Variants in GLRA1 observed in about 807,000 individuals in gnomAD.
GLRA1 encodes the protein glycine receptor subunit alpha-1.
In GLRA1, 37 loss-of-function variants were observed where a neutral mutation model predicts 48.3. The ratio of observed to expected loss-of-function variants is 0.77; its 90% CI spans 0.59 to 1.01. The LOEUF (loss-of-function observed/expected upper bound fraction) is 1.01, where lower values mean the gene tolerates loss of function less well. Among genes scored for constraint, GLRA1 ranks in the 50% least tolerant of loss-of-function variants. GLRA1 has a pLI of 0.00. For synonymous variants in GLRA1, 196 were observed against 210.7 expected (o/e 0.93, Z 0.60); for missense variants, 427 against 571.0 (o/e 0.75, Z 2.57).
intron 8 of GLRA1, among the ~76,000 whole-genome samples, chr5:151,824,251 CT>C (rs959030810): frequency 4.0e-5 from 6 of 151,812 alleles, no homozygotes; most frequent in African/African-American, 1.5e-4. Flanking sequence ...CCTGCCTCGG[CT>C]TCACAAAGTT....
chr5:151,899,313 A>G (rs1170507405), intron 1 of GLRA1, among the ~76,000 whole-genome samples: 1 of 152,166 alleles, frequency 6.6e-6, no homozygotes, highest in East Asian at 1.9e-4. Flanking sequence ...TTAATCAGAA[A>G]TTGTCTGAGT....
At position 151,884,101 on chromosome 5, in the gene GLRA1, C is replaced by A. The variant is rs151087821; in HGVS notation, c.252+2620G>T. ...ATCATCATCACCATCATAAAAAATG[C>A]TTGGTGAACATTTACAAAGCATGGA... is the stretch of plus-strand genomic sequence containing the variant. On this transcript the variant is annotated intron_variant, in intron 3 of 8. Coordinates refer to ENST00000274576, the MANE Select transcript of GLRA1 (RefSeq NM_000171.4). 4.8e-3 allele frequency among the ~76,000 whole-genome samples: 737 copies of A among 152,234 alleles called. 8 individuals are homozygous for A. The highest frequency in any genetic ancestry group is 0.016 in the African/African-American group (656 of 41,540).
chr5:151,854,155 T>C (rs1752977847), intron 6 of GLRA1, among the ~76,000 whole-genome samples: 2 of 152,254 alleles, frequency 1.3e-5, no homozygotes, highest in African/African-American at 4.8e-5. Flanking sequence ...ATGGCTGCTA[T>C]GGGAATACCA....
chr5:151,914,173 G>T (rs1241295173), intron 1 of GLRA1, among the ~76,000 whole-genome samples: 2 of 152,142 alleles, frequency 1.3e-5, no homozygotes, highest in Non-Finnish European at 2.9e-5. Flanking sequence ...ATAGCAATAG[G>T]GCTTGTAGGG....
intron 3 of GLRA1, among the ~76,000 whole-genome samples, chr5:151,867,605 A>C (rs2113372910): frequency 6.6e-6 from 1 of 152,300 alleles, no homozygotes; most frequent in Non-Finnish European, 1.5e-5. Flanking sequence ...CATGCCATAC[A>C]TGTCAGCTTA....
intron 3 of GLRA1, among the ~76,000 whole-genome samples, chr5:151,864,863 A>G (rs1368959039): frequency 2.0e-5 from 3 of 152,156 alleles, no homozygotes; most frequent in Admixed American, 6.5e-5. Context: ...CCTAGTACCT[A>G]TAAGAAGGAA....
Position 151,829,076 on chromosome 5 carries a change from G to T in GLRA1, c.913-9C>A, listed in dbSNP as rs756370176. The T allele has an allele frequency of 6.2e-7, 1 of 1,613,304 alleles. No individual in the cohort carries two copies. The highest frequency in any genetic ancestry group is 1.3e-5 in the African/African-American group (1 of 74,924). On this transcript the variant is annotated splice_polypyrimidine_tract_variant and intron_variant, in intron 7 of 8. Transcript: ENST00000274576. ...GCTTTCACATAGGACACCTAGAGTG[G>T]GGGTGGAGGAGAAACAGGGAGGTGA...
chr5:151,887,005 A>G (rs1367199225), intron 2 of GLRA1, among the ~76,000 whole-genome samples: 2 of 152,224 alleles, frequency 1.3e-5, no homozygotes, highest in African/African-American at 2.4e-5. Flanking sequence ...CCAGGTACAG[A>G]ATACCAGAGG....
intron 1 of GLRA1, among the ~76,000 whole-genome samples, chr5:151,893,329 T>G (rs541802574): frequency 6.7e-6 from 1 of 149,818 alleles, no homozygotes; most frequent in Non-Finnish European, 1.5e-5. Flanking sequence ...TCTTTCTTTC[T>G]TTCTTTCTTT....
chr5:151,886,589 G>T, intron 3 of GLRA1, 132 bp downstream of exon 3: 1 of 730,672 alleles, frequency 1.4e-6, no homozygotes. Flanking sequence ...GAGCCTCATG[G>T]TATACCACTG....
At chr5:151,875,709 T>A (rs17529681) in intron 3 of GLRA1, 18,108 of 152,344 alleles carry the variant, frequency 0.12, 1,439 homozygotes, top group Non-Finnish European at 0.16. Flanking sequence ...GCACAAATCC[T>A]ACTGAGCTTC....
At chr5:151,916,909 A>G (rs1754755166) in intron 1 of GLRA1, among the ~76,000 whole-genome samples, 1 of 152,148 alleles carries the variant, frequency 6.6e-6, no homozygotes, top group Non-Finnish European at 1.5e-5. Flanking sequence ...CTCCCTGAAG[A>G]ACCCTCTGGA....
chr5:151,883,665 A>G (rs1012775828), intron 3 of GLRA1, among the ~76,000 whole-genome samples: 5 of 152,364 alleles, frequency 3.3e-5, no homozygotes, highest in South Asian at 2.1e-4. Flanking sequence ...CATCATTGCA[A>G]CTGCCCTTTG....
intron 3 of GLRA1, among the ~76,000 whole-genome samples, chr5:151,863,195 G>A (rs1316813419): frequency 6.6e-6 from 1 of 152,188 alleles, no homozygotes; most frequent in Non-Finnish European, 1.5e-5. Context: ...TTGAGCCCAG[G>A]AGTTTGAGAC....
intron 7 of GLRA1, chr5:151,850,706 A>G: frequency 8.7e-7 from 1 of 1,148,338 alleles, no homozygotes; most frequent in Non-Finnish European, 1.3e-6. Flanking sequence ...CCCCTCTGCC[A>G]CTGCGAACCC....
At chr5:151,893,524 G>A (rs986701870) in intron 1 of GLRA1, among the ~76,000 whole-genome samples, 6 of 151,760 alleles carry the variant, frequency 4.0e-5, no homozygotes, top group African/African-American at 1.2e-4. Context: ...CCCACTACCC[G>A]ACAGGCCCTG....
intron 1 of GLRA1, among the ~76,000 whole-genome samples, chr5:151,906,733 C>T (rs1349958790): frequency 1.3e-5 from 2 of 152,088 alleles, no homozygotes; most frequent in Non-Finnish European, 2.9e-5. Flanking sequence ...ATCTATTGTA[C>T]AGATGAAGTA....
rs559850394 is a variant in GLRA1 at position 151,850,697 on chromosome 5, C to A, written c.912+693G>T. On this transcript the variant is annotated intron_variant, in intron 7 of 8. Transcript: ENST00000274576. ...GAAGGGTTACTTTGAAGACTGTTGC[C>A]CCTCTGCCACTGCGAACCCTTTTCG... 5 of 1,176,118 alleles carry A rather than the reference C, an allele frequency of 4.3e-6. No homozygotes were observed. In the East Asian group the frequency reaches 9.4e-5, roughly 22 times the overall value. The allele number at this position is 1,176,118 out of a possible 1,614,324, so 72.9% of individuals were successfully genotyped here.
At chr5:151,897,822 G>C (rs999486377) in intron 1 of GLRA1, among the ~76,000 whole-genome samples, 4 of 152,206 alleles carry the variant, frequency 2.6e-5, no homozygotes, top group African/African-American at 4.8e-5. Context: ...ATGTAGGTGA[G>C]TTTGTGTGAT....
Sources: allele counts gnomAD v4.1 joint callset (sites outside exome capture counted in the v4.1 genomes callset), GRCh38; gene constraint gnomAD v4.1.1; transcripts MANE v1.5; gene names NCBI Gene and HGNC (gene_info 2026-07-23, HGNC 2026-07-21).